Variants in MAMLD1 observed in about 807,000 individuals in gnomAD.
The protein encoded by MAMLD1 is mastermind-like domain-containing protein 1.
MAMLD1 carries 14 observed loss-of-function variants against 45.0 expected under a neutral mutation model. The ratio of observed to expected loss-of-function variants is 0.31; its 90% CI spans 0.21 to 0.49. MAMLD1 has a LOEUF of 0.49. MAMLD1 is among the 20% of genes least tolerant of loss of function. The pLI is 0.99. For missense variants in MAMLD1, 543 were observed against 603.6 expected (o/e 0.90, Z 1.05); for synonymous variants, 254 against 247.8 (o/e 1.02, Z -0.24).
intron 5 of MAMLD1, among the ~76,000 whole-genome samples, chrX:150,489,798 G>C (rs1251177136): frequency 1.8e-5 from 2 of 110,509 alleles, no homozygotes; most frequent in Non-Finnish European, 3.8e-5. Flanking sequence ...GACATTCAAG[G>C]AATGTACTGG....
In MAMLD1 at chrX:150,469,796, G is replaced by T. The variant is rs1557406216; in HGVS notation, c.223G>T (p.Ala75Ser). 2.5e-6 allele frequency: 3 copies of T among 1,210,764 alleles called. No homozygotes were observed. In the South Asian group the frequency reaches 5.3e-5, roughly 21 times the overall value. ...AGACCACTTCCAGTTTCCAGACATG[G>T]CTGATGGGGGCTACCCTAATAAAAT... ...EEDHFQFPDM[A>S]DGGYPNKIKR... Residue 75 changes from alanine to serine, a missense_variant, in exon 4 of 8, where the codon GCT becomes TCT. Physicochemically the swap from Ala to Ser is moderately conservative, Grantham distance 99. Transcript: ENST00000370401.
intron 1 of MAMLD1, among the ~76,000 whole-genome samples, chrX:150,425,032 T>C (rs782648567): frequency 3.6e-5 from 4 of 112,221 alleles, no homozygotes; most frequent in Non-Finnish European, 7.5e-5. Context: ...CTTAGCACGA[T>C]GTTTAAACGG....
At chrX:150,481,876 AAAAGAAAGAGAGAAAG>A (rs1266517314) in intron 5 of MAMLD1, among the ~76,000 whole-genome samples, 1 of 106,460 alleles carries the variant, frequency 9.4e-6, no homozygotes, top group Non-Finnish European at 1.9e-5. Flanking sequence ...GAAAGAAAGA[AAAAGAAAGAGAGAAAG>A]AAAGAAAGAA....
intron 2 of MAMLD1, among the ~76,000 whole-genome samples, chrX:150,454,461 A>C (rs782401578): frequency 8.9e-6 from 1 of 112,267 alleles, no homozygotes; most frequent in Non-Finnish European, 1.9e-5. Context: ...AATTTGACAT[A>C]AAATTACTTT....
Position 150,403,509 on chromosome X carries a change from T to C in MAMLD1, c.-64+39979T>C, listed in dbSNP as rs782156713. Among the ~76,000 whole-genome samples, 11 of 111,890 alleles carry C rather than the reference T, an allele frequency of 9.8e-5. No homozygotes were observed. The East Asian group carries it at 2.5e-3, about 26-fold the overall frequency. ...TCATTGCAGGCTTGAAATCATATTT[T>C]TGTACTCAGTTTATGGAAATTGAAG... is the stretch of plus-strand genomic sequence containing the variant. On this transcript the variant is annotated intron_variant, in intron 1 of 7. Transcript: ENST00000370401.
chrX:150,378,895 C>A (rs908429460), intron 1 of MAMLD1, among the ~76,000 whole-genome samples: 21 of 110,924 alleles, frequency 1.9e-4, no homozygotes, highest in African/African-American at 5.9e-4. Context: ...TTGTGCTTTC[C>A]CTGCCTTAGC....
chrX:150,371,078 C>T (rs1214851339), intron 1 of MAMLD1, among the ~76,000 whole-genome samples: 1 of 110,821 alleles, frequency 9.0e-6, no homozygotes, highest in Non-Finnish European at 1.9e-5. Flanking sequence ...GGAGGACCCC[C>T]GACCCACCCA....
chrX:150,386,650 T>C lies in MAMLD1; in HGVS notation c.-64+23120T>C, dbSNP rs191833436. ...AAGATCGGCAGCTGGTGTTTATCTT[T>C]TCCCTTCAAGGCTCAGGGGTTAGCA... On this transcript the variant is annotated intron_variant, in intron 1 of 7. Transcript: ENST00000370401. Among the ~76,000 whole-genome samples, 20 of 111,925 alleles carry C rather than the reference T, an allele frequency of 1.8e-4. No individual in the cohort carries two copies. In the East Asian group the frequency reaches 5.6e-3, roughly 31 times the overall value.
At chrX:150,444,299 T>C (rs1286202135) in intron 1 of MAMLD1, among the ~76,000 whole-genome samples, 1 of 111,974 alleles carries the variant, frequency 8.9e-6, no homozygotes, top group Non-Finnish European at 1.9e-5. Flanking sequence ...GAGCAGTTAT[T>C]GTCTAAAAGT....
chrX:150,496,899 T>C (rs1292328462), intron 5 of MAMLD1, among the ~76,000 whole-genome samples: 1 of 112,702 alleles, frequency 8.9e-6, no homozygotes, highest in East Asian at 2.8e-4. Context: ...TTCCTTCATT[T>C]CTTTATACAT....
rs782723508 is a variant in MAMLD1, at chrX:150,474,003, G to A, written c.2040+201G>A. On this transcript the variant is annotated intron_variant, in intron 5 of 7. Coordinates refer to ENST00000370401, the MANE Select transcript of MAMLD1 (RefSeq NM_005491.5). ...GAACAGTCAAGCTCCCTGGGGCTAGGAGCACAATAAAGGGGGCAAGCGACT... is the reference window on the plus strand; with the variant it reads ...GAACAGTCAAGCTCCCTGGGGCTAGAAGCACAATAAAGGGGGCAAGCGACT... Among the ~76,000 whole-genome samples the A allele has an allele frequency of 2.7e-5, 3 of 111,921 alleles. No individual in the cohort carries two copies. In the South Asian group the frequency reaches 1.1e-3, roughly 43 times the overall value.
At chrX:150,449,915 C>T (rs1275749771) in intron 2 of MAMLD1, among the ~76,000 whole-genome samples, 3 of 112,000 alleles carry the variant, frequency 2.7e-5, no homozygotes, top group Non-Finnish European at 5.6e-5. Context: ...TCATTTGCTT[C>T]TGTGTCACAG....
chrX:150,496,814 A>G (rs1461864259), intron 5 of MAMLD1, among the ~76,000 whole-genome samples: 1 of 112,215 alleles, frequency 8.9e-6, no homozygotes, highest in Non-Finnish European at 1.9e-5. Flanking sequence ...TATACTGCAG[A>G]TTCACTCTAT....
At chrX:150,442,574 C>T (rs932372511) in intron 1 of MAMLD1, among the ~76,000 whole-genome samples, 3 of 111,592 alleles carry the variant, frequency 2.7e-5, no homozygotes, top group African/African-American at 9.8e-5. Context: ...CCTTTCACCC[C>T]TTTACTTTCC....
intron 1 of MAMLD1, among the ~76,000 whole-genome samples, chrX:150,375,912 G>A (rs1290040148): frequency 1.1e-4 from 12 of 112,011 alleles, no homozygotes; most frequent in Non-Finnish European, 2.3e-4. Context: ...TTTGGCAGTG[G>A]GTGGTTGCCC....
At chrX:150,434,938 T>G (rs1296912143) in intron 1 of MAMLD1, among the ~76,000 whole-genome samples, 1 of 111,297 alleles carries the variant, frequency 9.0e-6, no homozygotes, top group African/African-American at 3.3e-5. Flanking sequence ...TTTGGTCAAG[T>G]TCTGAGTTCA....
intron 3 of MAMLD1, among the ~76,000 whole-genome samples, chrX:150,463,722 C>G (rs1818228404): frequency 9.0e-6 from 1 of 111,440 alleles, no homozygotes; most frequent in Admixed American, 9.5e-5. Flanking sequence ...GAAGCCCCAG[C>G]CCTCAGGTCA....
chrX:150,364,773 G>A (rs1557400646), intron 1 of MAMLD1, among the ~76,000 whole-genome samples: 1 of 113,235 alleles, frequency 8.8e-6, no homozygotes, highest in African/African-American at 3.2e-5. Flanking sequence ...AAGTCTCCCT[G>A]AGACCAAGCA....
intron 1 of MAMLD1, among the ~76,000 whole-genome samples, chrX:150,381,113 T>C (rs2032587649): frequency 8.9e-6 from 1 of 112,051 alleles, no homozygotes; most frequent in Non-Finnish European, 1.9e-5. Context: ...TCTCCACATA[T>C]ACTTGGGTCT....
Sources: gnomAD v4.1 joint callset for allele counts (sites outside exome capture counted in the v4.1 genomes callset) on GRCh38, gnomAD v4.1.1 for gene constraint, MANE v1.5 for transcripts, NCBI Gene and HGNC (gene_info 2026-07-23, HGNC 2026-07-21) for gene names.